Variants in LSAMP observed in about 807,000 individuals in gnomAD.
LSAMP encodes the protein limbic system associated membrane protein, also known as limbic system-associated membrane protein.
LSAMP carries 7 observed loss-of-function variants against 38.6 expected under a neutral mutation model. The observed-to-expected ratio is 0.18, with a 90% confidence interval of 0.10 to 0.34. LSAMP has a LOEUF of 0.34. Among genes scored for constraint, LSAMP ranks in the 10% least tolerant of loss-of-function variants. The pLI, the probability that LSAMP is intolerant of heterozygous loss-of-function variation, is 1.00. For synonymous variants in LSAMP, 154 were observed against 166.8 expected, an observed-to-expected ratio of 0.92 and a Z score of 0.59; for missense variants, 313 against 420.0, an observed-to-expected ratio of 0.75 and a Z score of 2.23.
At chr3:115,984,297 C>T (rs999582297) in intron 3 of LSAMP, among the ~76,000 whole-genome samples, 2 of 151,948 alleles carry the variant, frequency 1.3e-5, no homozygotes, top group East Asian at 1.9e-4. Flanking sequence ...ATATTAAAAT[C>T]GTTTATTTTG....
intron 1 of LSAMP, among the ~76,000 whole-genome samples, chr3:116,156,721 T>C (rs564632686): frequency 1.3e-4 from 20 of 152,094 alleles, no homozygotes; most frequent in South Asian, 4.1e-4. Flanking sequence ...AGGACCAGTA[T>C]GATGAGATGA....
intron 1 of LSAMP, among the ~76,000 whole-genome samples, chr3:116,354,843 ATATGTG>A (rs1200878895): frequency 6.7e-5 from 7 of 104,280 alleles, no homozygotes; most frequent in Non-Finnish European, 1.2e-4. Flanking sequence ...CTGGGTGTAT[ATATGTG>A]TGTGTGTGTG....
chr3:115,921,210 A>C (rs1937374622), intron 3 of LSAMP, among the ~76,000 whole-genome samples: 1 of 152,098 alleles, frequency 6.6e-6, no homozygotes, highest in African/African-American at 2.4e-5. Context: ...GTAATTATTG[A>C]TAATGAACTA....
At chr3:115,866,760 G>C (rs1935871872) in intron 3 of LSAMP, among the ~76,000 whole-genome samples, 1 of 152,098 alleles carries the variant, frequency 6.6e-6, no homozygotes, top group South Asian at 2.1e-4. Context: ...TGTAAAGTGA[G>C]CAGAATTGAC....
intron 3 of LSAMP, among the ~76,000 whole-genome samples, chr3:116,017,645 A>C (rs1940521322): frequency 6.6e-6 from 1 of 152,144 alleles, no homozygotes; most frequent in South Asian, 2.1e-4. Flanking sequence ...TAAGTTTACT[A>C]ACAGTCAAAC....
intron 2 of LSAMP, among the ~76,000 whole-genome samples, chr3:116,042,709 T>G (rs1322450221): frequency 6.6e-6 from 1 of 152,190 alleles, no homozygotes; most frequent in African/African-American, 2.4e-5. Flanking sequence ...ATTACAGGTG[T>G]GAGCCACCGT....
chr3:115,871,041 C>A (rs1936018178), intron 3 of LSAMP, among the ~76,000 whole-genome samples: 1 of 152,098 alleles, frequency 6.6e-6, no homozygotes, highest in Non-Finnish European at 1.5e-5. Flanking sequence ...ACATAGGAAT[C>A]AGCCATGGAG....
At position 115,805,601 on chromosome 3, in the gene LSAMP, AT is replaced by A. The variant is rs1326864086; in HGVS notation, c.*4715del. The A allele has an allele frequency of 2.6e-5, 4 of 152,304 alleles. No individual in the cohort carries two copies. In the East Asian group the frequency reaches 7.7e-4, roughly 29 times the overall value. 9.4% of individuals were successfully genotyped at this position (152,304 alleles called of 1,614,324 possible). On this transcript the variant is annotated 3_prime_UTR_variant, in exon 7 of 7. Transcript: ENST00000490035. ...TAAGTTTTCCATAATATTCATAAAC[AT>A]TTTCGCTGGTGTAAATGTTAAACCT...
chr3:116,318,616 AAC>A (rs1559826273), intron 1 of LSAMP, among the ~76,000 whole-genome samples: 2 of 152,384 alleles, frequency 1.3e-5, no homozygotes, highest in East Asian at 3.9e-4. Context: ...AAAGTTAAAT[AAC>A]AGAGGTAATT....
At chr3:116,011,799 T>C (rs1033891914) in intron 3 of LSAMP, among the ~76,000 whole-genome samples, 2 of 152,226 alleles carry the variant, frequency 1.3e-5, no homozygotes, top group Non-Finnish European at 2.9e-5. Flanking sequence ...CATTCTTACC[T>C]TTCTGGCTCA....
chr3:116,317,997 G>A (rs960852150), intron 1 of LSAMP, among the ~76,000 whole-genome samples: 8 of 151,492 alleles, frequency 5.3e-5, no homozygotes, highest in South Asian at 2.1e-4. Flanking sequence ...TTAGCCAGGC[G>A]TGGTGGTGGG....
intron 3 of LSAMP, among the ~76,000 whole-genome samples, chr3:115,944,939 C>T (rs1938046297): frequency 6.6e-6 from 1 of 152,088 alleles, no homozygotes; most frequent in Admixed American, 6.6e-5. Flanking sequence ...TTTCCTTCCC[C>T]TTATCTGTCT....
At chr3:115,887,870 G>A (rs188475398) in intron 3 of LSAMP, among the ~76,000 whole-genome samples, 7 of 151,926 alleles carry the variant, frequency 4.6e-5, no homozygotes, top group South Asian at 2.1e-4. Context: ...CTTAAAGACC[G>A]CAGAATGAAG....
At chr3:116,413,854 A>G (rs961142314) in intron 1 of LSAMP, among the ~76,000 whole-genome samples, 2 of 151,908 alleles carry the variant, frequency 1.3e-5, no homozygotes, top group Non-Finnish European at 2.9e-5. Flanking sequence ...AGGACAAGAA[A>G]GGACAAGAAA....
At chr3:116,372,972 C>CCA (rs2048448698) in intron 1 of LSAMP, among the ~76,000 whole-genome samples, 1 of 150,976 alleles carries the variant, frequency 6.6e-6, no homozygotes, top group Non-Finnish European at 1.5e-5. Flanking sequence ...TTGTGGAATA[C>CCA]CAACACCTGT....
Position 116,231,989 on chromosome 3 carries a change from G to A in LSAMP, c.156-145433C>T, listed in dbSNP as rs539999176. 1.0e-3 allele frequency among the ~76,000 whole-genome samples: 152 copies of A among 152,216 alleles called. 2 individuals carry two copies. In the South Asian group the frequency reaches 0.016, roughly 16 times the overall value. ...CACCTTGAAAATTCCACCTTCTTAAGTCTTGTATCCCTGATATGCCTCTGT... is the reference window on the plus strand; with the variant it reads ...CACCTTGAAAATTCCACCTTCTTAAATCTTGTATCCCTGATATGCCTCTGT... On this transcript the variant is annotated intron_variant, in intron 1 of 6. Coordinates refer to ENST00000490035, the MANE Select transcript of LSAMP (RefSeq NM_002338.5).
chr3:116,213,752 G>A (rs767471551), intron 1 of LSAMP, among the ~76,000 whole-genome samples: 11 of 152,092 alleles, frequency 7.2e-5, no homozygotes, highest in Non-Finnish European at 1.3e-4. Context: ...CTGCAATATG[G>A]TACAACATGA....
intron 1 of LSAMP, among the ~76,000 whole-genome samples, chr3:116,327,048 T>C (rs2047783198): frequency 6.6e-6 from 1 of 152,188 alleles, no homozygotes; most frequent in Non-Finnish European, 1.5e-5. Flanking sequence ...TTTTCTTAGA[T>C]GTGTCCACAT....
chr3:116,387,514 A>C (rs2048640424), intron 1 of LSAMP, among the ~76,000 whole-genome samples: 2 of 152,176 alleles, frequency 1.3e-5, no homozygotes, highest in Non-Finnish European at 1.5e-5. Flanking sequence ...ACTATGTATC[A>C]ATAAAAAACT....
Sources: gnomAD v4.1 joint callset for allele counts (sites outside exome capture counted in the v4.1 genomes callset) on GRCh38, gnomAD v4.1.1 for gene constraint, MANE v1.5 for transcripts, NCBI Gene and HGNC (gene_info 2026-07-23, HGNC 2026-07-21) for gene names.